The following C20orf173 variants were observed in gnomAD, a reference collection of about 807,000 sequenced individuals.
C20orf173 encodes chromosome 20 open reading frame 173.
A neutral mutation model predicts 26.7 loss-of-function variants in C20orf173; 22 were observed. That is an observed-to-expected ratio of 0.82 (90% confidence interval 0.59 to 1.18). The LOEUF (loss-of-function observed/expected upper bound fraction) is 1.18. Among genes scored for constraint, C20orf173 ranks in the 50% most tolerant of loss-of-function variants. The pLI is 0.00. For missense variants in C20orf173, 210 were observed against 250.3 expected (o/e 0.84, Z 1.09); for synonymous variants, 85 against 96.4 (o/e 0.88, Z 0.69).
At chr20:35,524,181 C>A (rs527896916), downstream of C20orf173, among the ~76,000 whole-genome samples, 1 of 152,020 alleles carries the variant, frequency 6.6e-6, no homozygotes, top group East Asian at 1.9e-4. Context: ...CTGTGCCCGG[C>A]TAATTTTTTT....
At chr20:35,524,216 T>C (rs1248993850), downstream of C20orf173, among the ~76,000 whole-genome samples, 2 of 151,952 alleles carry the variant, frequency 1.3e-5, no homozygotes, top group African/African-American at 2.4e-5. Context: ...AGACGGGGTT[T>C]CACCATGTTG....
In C20orf173 at chr20:35,528,995, C is replaced by T. The variant is rs957040647; in HGVS notation, c.309+70G>A. ...ACAGGGCCAAGGGCAGGGATTTGGGCGGAAAGTGGGAGATGGGTGAGGCCC... is the reference window on the plus strand; with the variant it reads ...ACAGGGCCAAGGGCAGGGATTTGGGTGGAAAGTGGGAGATGGGTGAGGCCC... On this transcript the variant is annotated intron_variant, in intron 2 of 5. Coordinates refer to ENST00000444723, the MANE Select transcript of C20orf173 (RefSeq NM_001145350.2). 5.9e-6 allele frequency: 9 copies of T among 1,533,770 alleles called. No individual in the cohort carries two copies. In the East Asian group the frequency reaches 7.4e-5, roughly 13 times the overall value.
rs903454493 is a variant in C20orf173 at position 35,528,238 on chromosome 20, C to T, written c.*20G>A. ...CTTTTCCTATTCCCCCTCACCGTGTCTTTGCTATCTTCCACTCCACTAGGG... is the reference window on the plus strand; with the variant it reads ...CTTTTCCTATTCCCCCTCACCGTGTTTTTGCTATCTTCCACTCCACTAGGG... On this transcript the variant is annotated 3_prime_UTR_variant, in exon 5 of 6. Transcript: ENST00000444723. The T allele has an allele frequency of 1.9e-6, 3 of 1,551,878 alleles. No homozygotes were observed. The highest frequency in any genetic ancestry group is 8.7e-7 in the Non-Finnish European group (1 of 1,147,012).
At chr20:35,522,794 G>A (rs373185209), downstream of C20orf173, 2 of 152,796 alleles carry the variant, frequency 1.3e-5, no homozygotes. Context: ...GGGCACAGGG[G>A]AGGTGCTTTA....
chr20:35,525,430 T>TA (rs1313833638), downstream of C20orf173, among the ~76,000 whole-genome samples: 1 of 152,006 alleles, frequency 6.6e-6, no homozygotes, highest in Non-Finnish European at 1.5e-5. Context: ...CGGGCACCTG[T>TA]AATCCCAGCT....
downstream of C20orf173, among the ~76,000 whole-genome samples, chr20:35,523,919 C>T (rs1036190999): frequency 2.0e-5 from 3 of 152,074 alleles, no homozygotes; most frequent in Non-Finnish European, 4.4e-5. Context: ...AGAAGGGCCA[C>T]CTGGAATCTT....
At chr20:35,526,628 CAAAAAAAAAAAA>C (rs1286748298), downstream of C20orf173, among the ~76,000 whole-genome samples, 4 of 53,554 alleles carry the variant, frequency 7.5e-5, 1 homozygote, top group South Asian at 2.5e-3. Flanking sequence ...ACTCTTGTCT[CAAAAAAAAAAAA>C]AAAAAAAAAA....
chr20:35,528,960 G>A, intron 2 of C20orf173, 81 bp from the exon 3 acceptor site: 1 of 1,540,206 alleles, frequency 6.5e-7, no homozygotes, highest in Non-Finnish European at 8.8e-7. Flanking sequence ...TCCATCCAGA[G>A]GCTGTGAAGA....
At chr20:35,528,180 C>T in intron 5 of C20orf173, 53 bp downstream of exon 5, 1 of 1,497,588 alleles carries the variant, frequency 6.7e-7, no homozygotes, top group South Asian at 1.2e-5. Flanking sequence ...ACCTGGGGCC[C>T]TTCCCACAGC....
chr20:35,527,900 G>A (rs529995917), intron 5 of C20orf173, among the ~76,000 whole-genome samples: 14 of 152,144 alleles, frequency 9.2e-5, no homozygotes, highest in South Asian at 6.2e-4. Flanking sequence ...TGATCCACCC[G>A]CCTCAGCCTC....
Position 35,528,300 on chromosome 20 carries a change from AGGT to A in C20orf173, c.583-19_583-17del, listed in dbSNP as rs1255957177. 1.3e-6 allele frequency: 2 copies of A among 1,551,916 alleles called. No individual in the cohort carries two copies. The highest frequency in any genetic ancestry group is 1.7e-6 in the Non-Finnish European group (2 of 1,147,026). On this transcript the variant is annotated splice_polypyrimidine_tract_variant and intron_variant, in intron 4 of 5. Coordinates refer to ENST00000444723, the MANE Select transcript of C20orf173 (RefSeq NM_001145350.2). ...CTTCCAAAATCTGAGAAAGAATTGG[AGGT>A]GGGGGAGTTTGGGCCACAAGACCTG...
At chr20:35,528,319 A>C (rs1015359312) in intron 4 of C20orf173, 35 bp from the exon 5 acceptor site, 1 of 1,551,672 alleles carries the variant, frequency 6.4e-7, no homozygotes, top group Non-Finnish European at 8.7e-7. Context: ...AGTTTGGGCC[A>C]CAAGACCTGG....
At chr20:35,524,656 G>C (rs1344626290), downstream of C20orf173, among the ~76,000 whole-genome samples, 2 of 151,490 alleles carry the variant, frequency 1.3e-5, no homozygotes, top group Non-Finnish European at 2.9e-5. Context: ...ATTTCCTATA[G>C]AGTTTGTAAA....
At chr20:35,525,184 A>G (rs2064496305), downstream of C20orf173, among the ~76,000 whole-genome samples, 1 of 152,078 alleles carries the variant, frequency 6.6e-6, no homozygotes, top group Non-Finnish European at 1.5e-5. Context: ...GGGCCTTTGC[A>G]GATACAATGA....
chr20:35,520,984 C>T (rs920472514), downstream of C20orf173: 1 of 152,292 alleles, frequency 6.6e-6, no homozygotes, highest in Non-Finnish European at 1.5e-5. Flanking sequence ...CCACTGGAAA[C>T]ATCTCAGCCG....
At position 35,529,137 on chromosome 20, in the gene C20orf173, G is replaced by A. The variant is rs1211240145; in HGVS notation, c.237C>T (p.Cys79=). ...TCAGGTACCCCATAGTCTTCCTGGA[G>A]CACGCATCAAGCCAGTTCCATTCGT... ...TADEWNWLDA[C]SRKTMGYLMR... The change falls in exon 2 of 6, where the codon TGC becomes TGT. Residue 79 remains cysteine (C), a synonymous_variant. Transcript: ENST00000444723. 1.9e-6 allele frequency: 3 copies of A among 1,551,596 alleles called. No homozygotes were observed. Among genetic ancestry groups the A allele is most frequent in the Admixed American group, 2.0e-5 (1 of 50,978 alleles).
At chr20:35,525,597 G>C (rs985174784), downstream of C20orf173, among the ~76,000 whole-genome samples, 8 of 152,190 alleles carry the variant, frequency 5.3e-5, no homozygotes, top group Admixed American at 4.6e-4. Flanking sequence ...ACACAGGGGA[G>C]TATGCCATGT....
chr20:35,525,016 T>C (rs1158386343), downstream of C20orf173, among the ~76,000 whole-genome samples: 1 of 151,774 alleles, frequency 6.6e-6, no homozygotes, highest in Non-Finnish European at 1.5e-5. Context: ...CGTGGTAACT[T>C]TCTAAGAAAG....
chr20:35,528,392 T>C (rs1874364870), intron 4 of C20orf173, 59 bp downstream of exon 4: 3 of 1,546,254 alleles, frequency 1.9e-6, no homozygotes, highest in Admixed American at 3.9e-5. Flanking sequence ...CTGCTGTTAC[T>C]CCCTGCAGTG....
Sources: gnomAD v4.1 joint callset for allele counts (sites outside exome capture counted in the v4.1 genomes callset) on GRCh38, gnomAD v4.1.1 for gene constraint, MANE v1.5 for transcripts, NCBI Gene and HGNC (gene_info 2026-07-23, HGNC 2026-07-21) for gene names.